Variants in ATOSB observed in about 807,000 individuals in gnomAD.
ATOSB encodes the protein atos homolog B.
the ATOSB span, chr9:35,108,139 C>A: frequency 1.3e-6 from 2 of 1,575,960 alleles, no homozygotes; most frequent in South Asian, 2.3e-5. Flanking sequence ...TGGTAGACCC[C>A]GGGGGATGTC....
the ATOSB span, among the ~76,000 whole-genome samples, chr9:35,114,714 C>T: frequency 1.6e-4 from 25 of 152,300 alleles, no homozygotes; most frequent in Admixed American, 6.5e-4. Context: ...TGGCCCACCT[C>T]TCAAAACAGA....
chr9:35,107,590 G>C, the ATOSB span: 3 of 1,587,006 alleles, frequency 1.9e-6, no homozygotes, highest in African/African-American at 1.4e-5. Flanking sequence ...GGGCCAGGGG[G>C]TGTGTGCTCG....
the ATOSB span, chr9:35,110,828 T>C: frequency 2.6e-5 from 4 of 152,234 alleles, no homozygotes; most frequent in African/African-American, 9.7e-5. Flanking sequence ...CCCTTCAGTA[T>C]TAAAGATTTC....
the ATOSB span, chr9:35,106,842 C>A: frequency 6.4e-7 from 1 of 1,569,670 alleles, no homozygotes; most frequent in Non-Finnish European, 8.6e-7. This position sits in a 1 kb window ranked among gnomAD's most constrained non-coding sequence, Gnocchi z 4.6. Flanking sequence ...CAGCTTCAGG[C>A]GACGGGCTCC....
the ATOSB span, chr9:35,105,256 C>A: frequency 1.2e-5 from 20 of 1,613,810 alleles, no homozygotes; most frequent in Non-Finnish European, 1.6e-5. This position sits in a 1 kb window ranked among gnomAD's most constrained non-coding sequence, Gnocchi z 5.5. Context: ...TTATGAGGGG[C>A]CTCGGTCACA....
the ATOSB span, among the ~76,000 whole-genome samples, chr9:35,115,350 A>T: frequency 1.3e-5 from 2 of 152,036 alleles, no homozygotes; most frequent in Non-Finnish European, 2.9e-5. Context: ...CTTAGAACCC[A>T]GAACACAAGT....
At chr9:35,115,156 G>A in the ATOSB span, among the ~76,000 whole-genome samples, 1 of 152,062 alleles carries the variant, frequency 6.6e-6, no homozygotes, top group Admixed American at 6.5e-5. Flanking sequence ...TCAGCTTAGG[G>A]AAGAAACCCC....
At chr9:35,113,084 C>A in the ATOSB span, among the ~76,000 whole-genome samples, 1 of 152,156 alleles carries the variant, frequency 6.6e-6, no homozygotes, top group South Asian at 2.1e-4. Flanking sequence ...TTTCAATGCC[C>A]TTGTCAAAAT....
Sources: gnomAD v4.1 joint callset for allele counts (sites outside exome capture counted in the v4.1 genomes callset) on GRCh38, gnomAD v4.1.1 for gene constraint, Gnocchi (gnomAD v3.1) non-coding constraint, MANE v1.5 for transcripts, NCBI Gene and HGNC (gene_info 2026-07-23, HGNC 2026-07-21) for gene names.